Variants in GRIP1 observed in about 807,000 individuals in gnomAD.
GRIP1 encodes glutamate receptor-interacting protein 1.
Under a neutral mutation model 129.9 loss-of-function variants are expected in GRIP1, and 45 were observed. That is an observed-to-expected ratio of 0.35 (90% confidence interval 0.27 to 0.44). The LOEUF (loss-of-function observed/expected upper bound fraction) is 0.44. GRIP1 is among the 20% of genes least tolerant of loss of function. The pLI, the probability that GRIP1 is intolerant of heterozygous loss-of-function variation, is 1.00. For missense variants in GRIP1, 1,196 were observed against 1,396.8 expected (o/e 0.86, Z 2.29); for synonymous variants, 530 against 520.8 (o/e 1.02, Z -0.24).
At chr12:66,747,785 C>G (rs1413259706) in intron 1 of GRIP1, among the ~76,000 whole-genome samples, 1 of 152,076 alleles carries the variant, frequency 6.6e-6, no homozygotes, top group Non-Finnish European at 1.5e-5. Context: ...GTGAAATGTA[C>G]AGAGTGTCTG....
chr12:66,456,063 A>T, intron 10 of GRIP1, 124 bp downstream of exon 10: 2 of 502,890 alleles, frequency 4.0e-6, no homozygotes, highest in South Asian at 3.4e-5. Context: ...GATGTCAGAA[A>T]TGATAAATTG....
At chr12:66,362,775 T>C (rs900687929) in intron 23 of GRIP1, among the ~76,000 whole-genome samples, 1 of 151,810 alleles carries the variant, frequency 6.6e-6, no homozygotes, top group Admixed American at 6.5e-5. Context: ...CGATAAGATG[T>C]ATGATCAAGC....
intron 1 of GRIP1, among the ~76,000 whole-genome samples, chr12:66,944,947 C>A (rs1488887705): frequency 6.6e-6 from 1 of 152,022 alleles, no homozygotes; most frequent in Non-Finnish European, 1.5e-5. Context: ...CATGTGCCAC[C>A]ACGCCCAGCT....
At chr12:66,616,705 A>G (rs2065052170) in intron 1 of GRIP1, among the ~76,000 whole-genome samples, 2 of 152,142 alleles carry the variant, frequency 1.3e-5, no homozygotes, top group Admixed American at 1.3e-4. Flanking sequence ...GAGGGACAGA[A>G]CCTTCTCAGT....
At position 66,371,858 on chromosome 12, in the gene GRIP1, G is replaced by A; in HGVS notation, c.2848C>T (p.Arg950Ter). ...CTGCGCTCCTGGAAGCTGGCCTGTC[G>A]CCCCAGCTGACTGCGAGGTGTTGGA... ...EAPTPRSQLGRQASFQERSSS... is the reference protein window; with the variant it reads ...EAPTPRSQLG Residue 950 changes from arginine to a stop codon, truncating the protein, a stop_gained, in exon 23 of 25, where the codon CGA becomes TGA. Coordinates refer to ENST00000359742, the MANE Select transcript of GRIP1 (RefSeq NM_001366722.1). LOFTEE classifies it high-confidence loss of function. The A allele has an allele frequency of 1.2e-6, 2 of 1,613,574 alleles. No individual in the cohort carries two copies. The highest frequency in any genetic ancestry group is 1.7e-5 in the Admixed American group (1 of 60,028).
chr12:66,549,535 CTT>C (rs1007101729), intron 2 of GRIP1, among the ~76,000 whole-genome samples: 17 of 152,188 alleles, frequency 1.1e-4, no homozygotes, highest in Admixed American at 3.9e-4. Context: ...TAAACAGATG[CTT>C]TTTCCAATAC....
chr12:66,870,266 C>G (rs2040273418), intron 1 of GRIP1, among the ~76,000 whole-genome samples: 2 of 151,924 alleles, frequency 1.3e-5, no homozygotes, highest in South Asian at 4.2e-4. Context: ...ATGGGTATAG[C>G]TGAAGGGAGG....
intron 7 of GRIP1, among the ~76,000 whole-genome samples, chr12:66,498,011 T>C (rs892882728): frequency 2.6e-5 from 4 of 152,112 alleles, no homozygotes; most frequent in African/African-American, 9.7e-5. Flanking sequence ...GCACCCCCAC[T>C]GGGCACCTTG....
intron 23 of GRIP1, among the ~76,000 whole-genome samples, chr12:66,365,633 C>T (rs960875731): frequency 6.6e-6 from 1 of 152,178 alleles, no homozygotes; most frequent in African/African-American, 2.4e-5. Flanking sequence ...GTTCTGTTTG[C>T]TGTCCCTGGT....
intron 4 of GRIP1, among the ~76,000 whole-genome samples, chr12:66,538,461 T>G (rs4583057): frequency 0.71 from 107,578 of 151,622 alleles, 39,058 homozygotes; most frequent in African/African-American, 0.88. Context: ...CTTCCAAAGT[T>G]CTGGGATTAC....
At chr12:66,907,116 C>A (rs2040946776) in intron 1 of GRIP1, among the ~76,000 whole-genome samples, 1 of 152,130 alleles carries the variant, frequency 6.6e-6, no homozygotes, top group Non-Finnish European at 1.5e-5. Flanking sequence ...TGGGACAGTT[C>A]CTCAGTCTTT....
chr12:66,406,640 T>C (rs571078656), intron 15 of GRIP1, among the ~76,000 whole-genome samples: 1 of 152,324 alleles, frequency 6.6e-6, no homozygotes, highest in South Asian at 2.1e-4. Flanking sequence ...ATTAAAAACA[T>C]TTTTTCTTAT....
intron 11 of GRIP1, among the ~76,000 whole-genome samples, chr12:66,450,303 CAAAAAAAAAAAAAA>C (rs143013040): frequency 1.5e-4 from 4 of 26,818 alleles, no homozygotes; most frequent in East Asian, 1.4e-3. Context: ...GACTCCATCT[CAAAAAAAAAAAAAA>C]AAAAAAAAAA....
intron 1 of GRIP1, among the ~76,000 whole-genome samples, chr12:66,656,697 T>C (rs531883764): frequency 5.9e-5 from 9 of 152,170 alleles, no homozygotes; most frequent in African/African-American, 2.2e-4. Context: ...TATCCTTAGG[T>C]GTTTAATATG....
intron 1 of GRIP1, among the ~76,000 whole-genome samples, chr12:67,036,688 A>G (rs745851247): frequency 2.6e-5 from 4 of 151,952 alleles, no homozygotes; most frequent in Non-Finnish European, 4.4e-5. Context: ...TGGCTTCACA[A>G]TTAAATCTCT....
chr12:66,843,880 G>A (rs1482217036), intron 1 of GRIP1, among the ~76,000 whole-genome samples: 1 of 152,022 alleles, frequency 6.6e-6, no homozygotes, highest in Non-Finnish European at 1.5e-5. Context: ...AAAGTTTTAT[G>A]ACATTAAATT....
chr12:66,956,761 C>T (rs985837160), intron 1 of GRIP1, among the ~76,000 whole-genome samples: 3 of 152,154 alleles, frequency 2.0e-5, no homozygotes, highest in Non-Finnish European at 4.4e-5. Context: ...AATCTGGGCA[C>T]TAGGCATGTT....
chr12:66,542,912 C>T (rs1049889053), intron 2 of GRIP1, among the ~76,000 whole-genome samples: 5 of 152,004 alleles, frequency 3.3e-5, no homozygotes, highest in East Asian at 3.8e-4. Flanking sequence ...ACATCAAAGA[C>T]GCATATTAAA....
intron 1 of GRIP1, among the ~76,000 whole-genome samples, chr12:66,858,563 CT>C (rs2040046855): frequency 6.6e-6 from 1 of 151,940 alleles, no homozygotes; most frequent in South Asian, 2.1e-4. Context: ...CTAGGAAACA[CT>C]TCATTTTCCT....
Sources: gnomAD v4.1 joint callset for allele counts (sites outside exome capture counted in the v4.1 genomes callset) on GRCh38, gnomAD v4.1.1 for gene constraint, MANE v1.5 for transcripts, NCBI Gene and HGNC (gene_info 2026-07-23, HGNC 2026-07-21) for gene names.